WWOX: variants seen among roughly 807,000 people sequenced by gnomAD.
The protein encoded by WWOX is WW domain-containing oxidoreductase.
Under a neutral mutation model 46.2 loss-of-function variants are expected in WWOX, and 69 were observed. That is an observed-to-expected ratio of 1.49 (90% confidence interval 1.23 to 1.82). WWOX has a LOEUF of 1.82. WWOX is among the 40% of genes most tolerant of loss of function. The probability of loss-of-function intolerance (pLI) is 0.00; values close to 1 mark genes in which losing one functional copy is unlikely to be tolerated. For missense variants in WWOX, 919 were observed against 542.6 expected (o/e 1.69, Z -6.89); for synonymous variants, 359 against 202.6 (o/e 1.77, Z -6.56).
At chr16:79,067,618 G>T (rs950268190) in intron 8 of WWOX, among the ~76,000 whole-genome samples, 4 of 124,908 alleles carry the variant, frequency 3.2e-5, no homozygotes, top group South Asian at 3.1e-4. Flanking sequence ...TAATTTGTGC[G>T]TGTGGGTGGG....
chr16:78,462,242 CT>C (rs113100708), intron 8 of WWOX, among the ~76,000 whole-genome samples: 166 of 146,900 alleles, frequency 1.1e-3, no homozygotes, highest in South Asian at 8.4e-3. Flanking sequence ...TGCTCACGCT[CT>C]TTTTTTTTTT....
At position 78,548,184 on chromosome 16, in the gene WWOX, AATTT is replaced by A. The variant is rs2044090747; in HGVS notation, c.1056+115433_1056+115436del. On this transcript the variant is annotated intron_variant, in intron 8 of 8. Transcript: ENST00000566780. ...AAAAAAAAAAAAAAAAAAAATTACGAATTTTGCGAGGACGCAAACATTTAATCCG... is the reference window on the plus strand; with the variant it reads ...AAAAAAAAAAAAAAAAAAAATTACGATGCGAGGACGCAAACATTTAATCCG... 4.8e-5 allele frequency among the ~76,000 whole-genome samples: 7 copies of A among 144,414 alleles called. No individual in the cohort carries two copies. In the South Asian group the frequency reaches 1.6e-3, roughly 32 times the overall value. 94.7% of individuals were successfully genotyped at this position (144,414 alleles called of 152,430 possible).
chr16:78,594,107 C>G (rs1020338183), intron 8 of WWOX, among the ~76,000 whole-genome samples: 1 of 152,088 alleles, frequency 6.6e-6, no homozygotes, highest in African/African-American at 2.4e-5. Context: ...AGTCACTTCT[C>G]AACTCCTTCT....
chr16:79,022,933 T>C (rs1270933054), intron 8 of WWOX, among the ~76,000 whole-genome samples: 3 of 152,178 alleles, frequency 2.0e-5, no homozygotes, highest in Non-Finnish European at 2.9e-5. Context: ...GAAAAATGCA[T>C]CTGCTAATAA....
chr16:78,988,273 G>T (rs531721381), intron 8 of WWOX, among the ~76,000 whole-genome samples: 1 of 151,590 alleles, frequency 6.6e-6, no homozygotes, highest in South Asian at 2.1e-4. Context: ...GAACCCGGGA[G>T]GCAGAGGTTG....
chr16:78,278,724 C>A, intron 5 of WWOX: 1 of 1,454,588 alleles, frequency 6.9e-7, no homozygotes, highest in Admixed American at 1.8e-5. Context: ...TGGGTATTTC[C>A]TGGTCTTTTC....
intron 8 of WWOX, chr16:78,890,971 A>G (rs776803981): frequency 1.3e-5 from 2 of 152,226 alleles, no homozygotes. Flanking sequence ...TATAAAAGGA[A>G]GCATACAGTG....
At chr16:78,609,282 T>C (rs1229218263) in intron 8 of WWOX, among the ~76,000 whole-genome samples, 1 of 152,144 alleles carries the variant, frequency 6.6e-6, no homozygotes. Flanking sequence ...TTTGTTCTGG[T>C]TTTTGTTTTT....
intron 8 of WWOX, among the ~76,000 whole-genome samples, chr16:78,781,039 A>G (rs893944846): frequency 2.0e-5 from 3 of 152,154 alleles, no homozygotes; most frequent in African/African-American, 7.2e-5. Context: ...CATTTGGAAG[A>G]TTGTTTTGCA....
At chr16:79,000,362 A>T (rs874078) in intron 8 of WWOX, among the ~76,000 whole-genome samples, 12 of 152,190 alleles carry the variant, frequency 7.9e-5, no homozygotes, top group African/African-American at 1.7e-4. Flanking sequence ...TACATGGCAG[A>T]TGGGGAATTA....
chr16:78,804,940 A>C (rs955655335), intron 8 of WWOX, among the ~76,000 whole-genome samples: 1 of 152,256 alleles, frequency 6.6e-6, no homozygotes, highest in Non-Finnish European at 1.5e-5. Flanking sequence ...AAAGATTGAA[A>C]TATTGCTACC....
intron 1 of WWOX, among the ~76,000 whole-genome samples, chr16:78,106,716 A>C (rs560785322): frequency 3.9e-5 from 6 of 152,262 alleles, no homozygotes; most frequent in South Asian, 2.1e-4. Flanking sequence ...GCGCCCGGCC[A>C]CAGAGCTGCT....
intron 8 of WWOX, among the ~76,000 whole-genome samples, chr16:78,977,303 C>A (rs145826129): frequency 1.1e-4 from 16 of 152,218 alleles, no homozygotes; most frequent in Non-Finnish European, 2.1e-4. Flanking sequence ...TGGCCTCCCA[C>A]AGGGAAGCAG....
chr16:78,667,237 C>G (rs930867307), intron 8 of WWOX, among the ~76,000 whole-genome samples: 19 of 152,158 alleles, frequency 1.2e-4, no homozygotes, highest in Non-Finnish European at 2.4e-4. Flanking sequence ...GTTTCTGCCC[C>G]TCGTAGCAGA....
chr16:78,404,431 G>A (rs1480443101), intron 6 of WWOX, among the ~76,000 whole-genome samples: 5 of 152,102 alleles, frequency 3.3e-5, no homozygotes, highest in Non-Finnish European at 7.3e-5. Context: ...GGCGTGAGAA[G>A]CTGAGGGTCA....
chr16:78,483,845 G>C (rs1291636780), intron 8 of WWOX, among the ~76,000 whole-genome samples: 1 of 152,132 alleles, frequency 6.6e-6, no homozygotes, highest in African/African-American at 2.4e-5. Context: ...AGAAGAGCCA[G>C]CATCATGATG....
At chr16:78,683,423 C>G (rs908078622) in intron 8 of WWOX, among the ~76,000 whole-genome samples, 3 of 151,718 alleles carry the variant, frequency 2.0e-5, no homozygotes, top group Non-Finnish European at 4.4e-5. Flanking sequence ...GCCTGTAATC[C>G]CAGCTACTCT....
At chr16:78,908,329 C>G (rs1049100626) in intron 8 of WWOX, among the ~76,000 whole-genome samples, 3 of 152,058 alleles carry the variant, frequency 2.0e-5, no homozygotes, top group Non-Finnish European at 4.4e-5. Flanking sequence ...CAACTGAGGT[C>G]AGGAGTTTGA....
intron 8 of WWOX, among the ~76,000 whole-genome samples, chr16:78,647,958 C>T (rs2738591): frequency 0.42 from 63,433 of 152,046 alleles, 16,040 homozygotes; most frequent in Middle Eastern, 0.62. Context: ...TTCATATGAA[C>T]GGTGGGCTTT....
Sources: allele counts gnomAD v4.1 joint callset (sites outside exome capture counted in the v4.1 genomes callset), GRCh38; gene constraint gnomAD v4.1.1; transcripts MANE v1.5; gene names NCBI Gene and HGNC (gene_info 2026-07-23, HGNC 2026-07-21).